CD101: variants seen among roughly 807,000 people sequenced by gnomAD.
CD101 encodes immunoglobulin superfamily member 2.
A neutral mutation model predicts 98.2 loss-of-function variants in CD101; 76 were observed. The observed-to-expected ratio is 0.77, with a 90% CI of 0.64 to 0.94. The LOEUF is 0.94. Among genes scored for constraint, CD101 ranks in the 40% least tolerant of loss-of-function variants. CD101 has a pLI of 0.00. For missense variants in CD101, 1,145 were observed against 1,218.8 expected (o/e 0.94, Z 0.90); for synonymous variants, 471 against 472.7 (o/e 1.00, Z 0.05).
At chr1:117,034,327 A>G (rs1248701549) in intron 9 of CD101, 193 bp downstream of exon 9, 1 of 564,824 alleles carries the variant, frequency 1.8e-6, no homozygotes, top group Admixed American at 3.1e-5. Flanking sequence ...TTGGAACAAG[A>G]TAGCATCATT....
intron 8 of CD101, among the ~76,000 whole-genome samples, chr1:117,029,332 G>A (rs1654295860): frequency 6.6e-6 from 1 of 151,858 alleles, no homozygotes; most frequent in African/African-American, 2.4e-5. Context: ...AAAGAAAGAA[G>A]GAATGAAGGA....
chr1:117,010,056 G>T lies in CD101; in HGVS notation c.250G>T (p.Val84Leu). 1 of 1,614,210 alleles carries T rather than the reference G, an allele frequency of 6.2e-7. No homozygotes were observed. The highest frequency in any genetic ancestry group is 8.5e-7 in the Non-Finnish European group (1 of 1,180,046). Residue 84 changes from valine (V) to leucine (L), a missense_variant, in exon 2 of 10, where the codon GTA becomes TTA. By Grantham distance (32) the Val-to-Leu change is conservative (BLOSUM62 1). Transcript: ENST00000682167. This position sits in a 1 kb window ranked among gnomAD's most constrained non-coding sequence, Gnocchi z 5.2. The stretch of plus-strand genomic sequence containing the variant: ...CAAGGATGCTGCCTTCTCTTACGCA[G>T]TATATACGCAGCGGGTGCGAAGCGG... ...STKDAAFSYA[V>L]YTQRVRSGDV...
At position 117,025,811 on chromosome 1, in the gene CD101, G is replaced by A. The variant is rs374925463; in HGVS notation, c.2731G>A (p.Val911Met). Reference sequence around the variant, plus strand: ...GGATGCAGGAATGTACTGGTGTAGGGTGGCAGAGTGGCAGCTCCATGGACA... The same window carrying A: ...GGATGCAGGAATGTACTGGTGTAGGATGGCAGAGTGGCAGCTCCATGGACA... ...MEDAGMYWCR[V>M]AEWQLHGHPS... The change falls in exon 8 of 10, where the codon GTG (valine) becomes ATG (methionine). Residue 911 changes from valine (V) to methionine (M), a missense_variant. Coordinates refer to ENST00000682167, the MANE Select transcript of CD101 (RefSeq NM_001256106.3). The A allele has an allele frequency of 7.4e-6, 12 of 1,614,188 alleles. No individual in the cohort carries two copies. In the African/African-American group the frequency reaches 1.3e-4, roughly 18 times the overall value.
intron 1 of CD101, among the ~76,000 whole-genome samples, chr1:117,009,596 A>T (rs1235667823): frequency 6.6e-6 from 1 of 152,258 alleles, no homozygotes; most frequent in Admixed American, 6.5e-5. Context: ...TGGTCGTGTT[A>T]CATTGATGAA....
At position 117,021,447 on chromosome 1, in the gene CD101, C is replaced by T. The variant is rs532345311; in HGVS notation, c.2018-126C>T. 19 of 730,440 alleles carry T rather than the reference C, an allele frequency of 2.6e-5. No homozygotes were observed. The highest frequency in any genetic ancestry group is 1.2e-4 in the Admixed American group (4 of 32,228). 45.2% of individuals were successfully genotyped at this position (730,440 alleles called of 1,614,324 possible). A position where few individuals can be genotyped will look rare whatever the true frequency, so the allele number is the denominator to read the frequency against. ...AAAGCTGTATGAGCAGTGAGTGGGG[C>T]TACTGTAGAGGGAGTTCACCCATAT... On this transcript the variant is annotated intron_variant, in intron 6 of 9. Coordinates refer to ENST00000682167, the MANE Select transcript of CD101 (RefSeq NM_001256106.3). This position sits in a 1 kb window ranked among gnomAD's most constrained non-coding sequence, Gnocchi z 4.7.
chr1:117,011,760 T>C lies in CD101; in HGVS notation c.635T>C (p.Leu212Ser). 1 of 1,614,124 alleles carries C rather than the reference T, an allele frequency of 6.2e-7. No individual in the cohort carries two copies. Among genetic ancestry groups the C allele is most frequent in the South Asian group, 1.1e-5 (1 of 91,078 alleles). ...GATTTTATATTGGTCCCTGGGCCCT[T>C]GTATACAGAGCGGTTTGCAGCCAGT... ...SKDFILVPGPLYTERFAASDV... is the reference protein window; with the variant it reads ...SKDFILVPGPSYTERFAASDV... Residue 212 changes from leucine to serine, a missense_variant, in exon 3 of 10, where the codon TTG becomes TCG. Leu to Ser is a moderately radical substitution (Grantham distance 145). Transcript: ENST00000682167.
At chr1:117,025,440 G>T (rs1653845590) in intron 7 of CD101, 69 bp from the exon 8 acceptor site, 2 of 1,360,620 alleles carry the variant, frequency 1.5e-6, no homozygotes, top group African/African-American at 2.9e-5. Context: ...GTGAGAACTA[G>T]ATTTTTCAGA....
chr1:117,015,249 T>G (rs1653133192), intron 4 of CD101, among the ~76,000 whole-genome samples: 1 of 152,238 alleles, frequency 6.6e-6, no homozygotes, highest in South Asian at 2.1e-4. Flanking sequence ...ATGAATATTT[T>G]AATCACTCAT....
Position 117,019,862 on chromosome 1 carries a change from C to T in CD101, c.2017+1302C>T, listed in dbSNP as rs181070347. On this transcript the variant is annotated intron_variant, in intron 6 of 9. Coordinates refer to ENST00000682167, the MANE Select transcript of CD101 (RefSeq NM_001256106.3). This position sits in a 1 kb window ranked among gnomAD's most constrained non-coding sequence, Gnocchi z 4.3. ...CCCAAGTTGAAAACCTGAGTCATCACAACTCTTATGTTCACCTTGTATCTA... is the reference window on the plus strand; with the variant it reads ...CCCAAGTTGAAAACCTGAGTCATCATAACTCTTATGTTCACCTTGTATCTA... 7.9e-5 allele frequency among the ~76,000 whole-genome samples: 12 copies of T among 152,332 alleles called. No homozygotes were observed. Among genetic ancestry groups the T allele is most frequent in the African/African-American group, 2.6e-4 (11 of 41,576 alleles).
In CD101 at chr1:117,007,813, T is replaced by A. The variant is rs890335855; in HGVS notation, c.44-2037T>A. On this transcript the variant is annotated intron_variant, in intron 1 of 9. Coordinates refer to ENST00000682167, the MANE Select transcript of CD101 (RefSeq NM_001256106.3). ...ATCTTGCTTTGAACATAGTCATTCA[T>A]GTTATTGCAAATAGTTGTAATTGTT... Among the ~76,000 whole-genome samples, 4 of 152,372 alleles carry A rather than the reference T, an allele frequency of 2.6e-5. No homozygotes were observed. In the East Asian group the frequency reaches 5.8e-4, roughly 22 times the overall value.
rs917923074 is a variant in CD101 at position 117,001,840 on chromosome 1, C to T, written c.23C>T (p.Ala8Val). The change falls in exon 1 of 10, where the codon GCA becomes GTA. Residue 8 changes from alanine (A) to valine (V), a missense_variant. Ala to Val is a moderately conservative substitution (Grantham distance 64). Coordinates refer to ENST00000682167, the MANE Select transcript of CD101 (RefSeq NM_001256106.3). ...CAAATGGCAGGCATCTCATATGTGG[C>T]ATCTTTCTTTCTCCTTCTGAGTAAG... is the stretch of plus-strand genomic sequence containing the variant. Reference protein sequence around the residue: MAGISYVASFFLLLTKLS... With the variant: MAGISYVVSFFLLLTKLS... 3.7e-6 allele frequency: 6 copies of T among 1,614,012 alleles called. No homozygotes were observed. The highest frequency in any genetic ancestry group is 3.4e-6 in the Non-Finnish European group (4 of 1,180,000).
rs900603651 is a variant in CD101, at chr1:117,010,479, G to A, written c.424+249G>A. On this transcript the variant is annotated intron_variant, in intron 2 of 9. Transcript: ENST00000682167. The surrounding 1 kb of genome is among the most constrained non-coding windows in gnomAD (Gnocchi z 5.2). ...TGGTGTGTGGTTTTCCCAAGGCCTT[G>A]TCCGCAGCTCTCCATAGGTTGCTAG... 5.3e-5 allele frequency among the ~76,000 whole-genome samples: 8 copies of A among 152,158 alleles called. No individual in the cohort carries two copies. The highest frequency in any genetic ancestry group is 1.5e-5 in the Non-Finnish European group (1 of 68,030).
rs1450499916 is a variant in CD101 at position 117,004,229 on chromosome 1, G to A, written c.43+2369G>A. Among the ~76,000 whole-genome samples the A allele has an allele frequency of 6.6e-6, 1 of 152,178 alleles. No individual in the cohort carries two copies. Among genetic ancestry groups the A allele is most frequent in the Non-Finnish European group, 1.5e-5 (1 of 68,030 alleles). ...AAAAAAGATTCCACTTAGTATGGAT[G>A]GAAGCTATCTCAGCCTCCAAGCATA... On this transcript the variant is annotated intron_variant, in intron 1 of 9. Coordinates refer to ENST00000682167, the MANE Select transcript of CD101 (RefSeq NM_001256106.3). This position sits in a 1 kb window ranked among gnomAD's most constrained non-coding sequence, Gnocchi z 4.1.
chr1:117,010,299 G>A lies in CD101; in HGVS notation c.424+69G>A. On this transcript the variant is annotated intron_variant, in intron 2 of 9. Transcript: ENST00000682167. The surrounding 1 kb of genome is among the most constrained non-coding windows in gnomAD (Gnocchi z 5.2). ...AGAGTCTCCACCATGACAATATCTT[G>A]CAATATGACATGGCTTTATATTGTT... 6.7e-7 allele frequency: 1 copy of A among 1,492,214 alleles called. No individual in the cohort carries two copies. Among genetic ancestry groups the A allele is most frequent in the Non-Finnish European group, 9.1e-7 (1 of 1,099,258 alleles). The allele number at this position is 1,492,214 out of a possible 1,614,324, so 92.4% of individuals were successfully genotyped here.
rs1652912487 is a variant in CD101 at position 117,011,866 on chromosome 1, GT to G, written c.743del (p.Phe248SerfsTer28). The G allele has an allele frequency of 6.2e-7, 1 of 1,614,032 alleles. No individual in the cohort carries two copies. The highest frequency in any genetic ancestry group is 1.3e-5 in the African/African-American group (1 of 74,922). On this transcript the variant is annotated frameshift_variant, in exon 3 of 10. Transcript: ENST00000682167. LOFTEE classifies it high-confidence loss of function. Reference protein sequence around the residue: ...RLQSSDQGQLFCEATEWIQDP... With the variant: ...RLQSSDQGQLXCEATEWIQDP... ...TCCAGTCCTCAGATCAGGGTCAGCT[GT>G]TCTGTGAGGCAACGGAATGGATTCA...
intron 1 of CD101, 49 bp downstream of exon 1, chr1:117,001,909 C>G: frequency 6.4e-7 from 1 of 1,564,082 alleles, no homozygotes. Flanking sequence ...AGTTCATCAA[C>G]TCAGGGTGCT....
At chr1:117,028,641 G>T (rs976582408) in intron 8 of CD101, among the ~76,000 whole-genome samples, 1 of 152,188 alleles carries the variant, frequency 6.6e-6, no homozygotes, top group African/African-American at 2.4e-5. Flanking sequence ...ACTGATAGGA[G>T]TGATGGAGAG....
In CD101 at chr1:117,006,740, A is replaced by ATT. The variant is rs1652555783; in HGVS notation, c.44-3110_44-3109insTT. On this transcript the variant is annotated intron_variant, in intron 1 of 9. Coordinates refer to ENST00000682167, the MANE Select transcript of CD101 (RefSeq NM_001256106.3). The surrounding 1 kb of genome is among the most constrained non-coding windows in gnomAD (Gnocchi z 4.4). ...CCCTCAAAATGTAGTCCCTCTTCAA[A>ATT]ATTTTTGAAGCACTTTTATTATATG... is the stretch of plus-strand genomic sequence containing the variant. Among the ~76,000 whole-genome samples, 1 of 152,008 alleles carries ATT rather than the reference A, an allele frequency of 6.6e-6. No individual in the cohort carries two copies. The highest frequency in any genetic ancestry group is 2.4e-5 in the African/African-American group (1 of 41,400).
At position 117,009,995 on chromosome 1, in the gene CD101, G is replaced by C. The variant is rs753076995; in HGVS notation, c.189G>C (p.Pro63=). The stretch of plus-strand genomic sequence containing the variant: ...ATTTCCAGTGGTCTGTTTACCTGCC[G>C]ACAAACCCGACCCAGGAAGTCCAGA... The part of the protein sequence containing the change: ...EQHFQWSVYL[P]TNPTQEVQII... The change falls in exon 2 of 10, where the codon CCG becomes CCC. Residue 63 remains proline (P), a synonymous_variant. Transcript: ENST00000682167. The C allele has an allele frequency of 1.9e-6, 3 of 1,614,030 alleles. No individual in the cohort carries two copies. The Admixed American group carries it at 5.0e-5, about 27-fold the overall frequency.
Sources: gnomAD v4.1 joint callset for allele counts (sites outside exome capture counted in the v4.1 genomes callset) on GRCh38, gnomAD v4.1.1 for gene constraint, Gnocchi (gnomAD v3.1) non-coding constraint, MANE v1.5 for transcripts, NCBI Gene and HGNC (gene_info 2026-07-23, HGNC 2026-07-21) for gene names.